The following EMB variants were observed in gnomAD, a reference collection of about 807,000 sequenced individuals.
EMB encodes the protein embigin.
In EMB, 31 loss-of-function variants were observed where a neutral mutation model predicts 41.4. The observed-to-expected ratio is 0.75, with a 90% confidence interval of 0.56 to 1.01. The LOEUF is 1.01. Among genes scored for constraint, EMB ranks in the 50% least tolerant of loss-of-function variants. The probability of loss-of-function intolerance (pLI) is 0.00; values close to 1 mark genes in which losing one functional copy is unlikely to be tolerated. For synonymous variants in EMB, 137 were observed against 140.4 expected, an observed-to-expected ratio of 0.98 and a Z score of 0.17; for missense variants, 379 against 388.3, an observed-to-expected ratio of 0.98 and a Z score of 0.20.
intron 5 of EMB, among the ~76,000 whole-genome samples, chr5:50,404,941 C>A (rs1745223998): frequency 6.6e-6 from 1 of 151,882 alleles, no homozygotes; most frequent in Non-Finnish European, 1.5e-5. Context: ...TTCATTGTAA[C>A]ATCTACACTG....
intron 2 of EMB, among the ~76,000 whole-genome samples, chr5:50,412,779 T>G (rs1445155763): frequency 6.6e-6 from 1 of 151,984 alleles, no homozygotes; most frequent in Non-Finnish European, 1.5e-5. Flanking sequence ...TCCCTGACAG[T>G]TTGGCAAGGA....
Position 50,405,771 on chromosome 5 carries a change from C to T in EMB, c.554G>A (p.Cys185Tyr), listed in dbSNP as rs1369441231. Residue 185 changes from cysteine to tyrosine, a missense_variant, in exon 5 of 9, where the codon TGT becomes TAT. Coordinates refer to ENST00000303221, the MANE Select transcript of EMB (RefSeq NM_198449.3). ...GTACCAGGTCCAATTTAAAGGAAAA[C>T]AATTTTGACATTTACATGTCAAGAC... is the stretch of plus-strand genomic sequence containing the variant. Reference protein sequence around the residue: ...STVLTCKCQNCFPLNWTWYSS... With the variant: ...STVLTCKCQNYFPLNWTWYSS... 5 of 1,606,706 alleles carry T rather than the reference C, an allele frequency of 3.1e-6. No homozygotes were observed. Among genetic ancestry groups the T allele is most frequent in the Non-Finnish European group, 4.2e-6 (5 of 1,176,538 alleles).
intron 2 of EMB, among the ~76,000 whole-genome samples, chr5:50,424,486 GT>G (rs1745579123): frequency 6.6e-6 from 1 of 152,130 alleles, no homozygotes; most frequent in Non-Finnish European, 1.5e-5. Flanking sequence ...GAAGAGACAG[GT>G]CCCACTTACA....
chr5:50,434,490 T>G (rs1241079248), intron 1 of EMB, among the ~76,000 whole-genome samples: 2 of 152,190 alleles, frequency 1.3e-5, no homozygotes, highest in Non-Finnish European at 2.9e-5. Context: ...AAAAACCACA[T>G]GCTGGAGGGA....
intron 2 of EMB, among the ~76,000 whole-genome samples, chr5:50,414,967 C>G (rs1745405063): frequency 6.6e-6 from 1 of 152,116 alleles, no homozygotes; most frequent in African/African-American, 2.4e-5. Context: ...AACTCTAATG[C>G]TCTTTACTTG....
intron 2 of EMB, chr5:50,411,764 A>G (rs1745342332): frequency 6.5e-6 from 1 of 154,272 alleles, no homozygotes; most frequent in South Asian, 2.1e-4. Flanking sequence ...GCCTGTTTCA[A>G]TAATTTTGAG....
intron 2 of EMB, among the ~76,000 whole-genome samples, chr5:50,426,898 G>GA (rs60515065): frequency 0.044 from 4,639 of 105,568 alleles, 210 homozygotes; most frequent in African/African-American, 0.12. Flanking sequence ...CAGTAAAAAA[G>GA]AAAAAAAAAA....
intron 2 of EMB, among the ~76,000 whole-genome samples, chr5:50,412,427 A>G (rs1745355990): frequency 6.6e-6 from 1 of 152,128 alleles, no homozygotes; most frequent in Non-Finnish European, 1.5e-5. Flanking sequence ...TCCCCTCCCT[A>G]GGAGCAATAG....
At chr5:50,410,254 C>T (rs1046558667) in intron 4 of EMB, among the ~76,000 whole-genome samples, 2 of 152,132 alleles carry the variant, frequency 1.3e-5, no homozygotes, top group Non-Finnish European at 2.9e-5. Context: ...TGATAATTAT[C>T]TAACTCAAAT....
intron 1 of EMB, among the ~76,000 whole-genome samples, chr5:50,440,044 G>A (rs767746267): frequency 2.6e-5 from 4 of 152,214 alleles, no homozygotes; most frequent in South Asian, 2.1e-4. Flanking sequence ...TGTTTTGCAC[G>A]TAATCCCTCT....
chr5:50,438,607 C>T (rs1745844447), intron 1 of EMB, among the ~76,000 whole-genome samples: 1 of 152,178 alleles, frequency 6.6e-6, no homozygotes, highest in Admixed American at 6.5e-5. Flanking sequence ...TAGGCCTATA[C>T]ATCTAGGTCA....
At chr5:50,418,282 T>C (rs1165288630) in intron 2 of EMB, among the ~76,000 whole-genome samples, 1 of 152,234 alleles carries the variant, frequency 6.6e-6, no homozygotes, top group East Asian at 1.9e-4. Flanking sequence ...ATGAAGTTAA[T>C]CCAACACTAT....
Position 50,411,310 on chromosome 5 carries a change from G to A in EMB, c.270C>T (p.Phe90=), listed in dbSNP as rs1448260035. 5 of 1,612,674 alleles carry A rather than the reference G, an allele frequency of 3.1e-6. No individual in the cohort carries two copies. The highest frequency in any genetic ancestry group is 1.1e-5 in the South Asian group (1 of 90,878). Residue 90 remains phenylalanine, a synonymous_variant, in exon 3 of 9, where the codon TTC becomes TTT. Coordinates refer to ENST00000303221, the MANE Select transcript of EMB (RefSeq NM_198449.3). ...CTGCATTCAAATCCCCAGATGTTGTGAACTGGCATGTGAGATTTACATTAG... is the reference window on the plus strand; with the variant it reads ...CTGCATTCAAATCCCCAGATGTTGTAAACTGGCATGTGAGATTTACATTAG... ...RPSNVNLTCQ[F]TTSGDLNAVN...
intron 4 of EMB, among the ~76,000 whole-genome samples, chr5:50,407,806 A>C (rs369757385): frequency 4.6e-5 from 7 of 151,936 alleles, no homozygotes; most frequent in African/African-American, 1.7e-4. Flanking sequence ...GGTTGGAATA[A>C]ACCAGGTTTG....
upstream of EMB, chr5:50,441,429 G>A (rs115322616): frequency 0.012 from 3,224 of 266,894 alleles, 113 homozygotes; most frequent in African/African-American, 0.067. Flanking sequence ...CCCGGCTGCA[G>A]CCTCTCCGGC....
chr5:50,415,151 A>C (rs185040458), intron 2 of EMB, among the ~76,000 whole-genome samples: 1 of 152,240 alleles, frequency 6.6e-6, no homozygotes, highest in Non-Finnish European at 1.5e-5. Flanking sequence ...TATTTAGTTG[A>C]TTCTACCGCT....
intron 1 of EMB, among the ~76,000 whole-genome samples, chr5:50,434,335 T>C (rs1202508487): frequency 6.6e-6 from 1 of 152,240 alleles, no homozygotes; most frequent in African/African-American, 2.4e-5. Context: ...TCATTCTTAA[T>C]AATCTTCCAA....
chr5:50,441,303 G>GCCCGGCCGCCTTGCC (rs1745908659), upstream of EMB: 6 of 417,300 alleles, frequency 1.4e-5, no homozygotes, highest in South Asian at 5.3e-4. Context: ...AATGGGAGGG[G>GCCCGGCCGCCTTGCC]CCCGGCCGCC....
intron 2 of EMB, among the ~76,000 whole-genome samples, chr5:50,423,437 T>C (rs1745558511): frequency 6.6e-6 from 1 of 152,208 alleles, no homozygotes; most frequent in East Asian, 1.9e-4. Flanking sequence ...CTTTGTCTTT[T>C]TAAAAAACAG....
Sources: allele counts gnomAD v4.1 joint callset (sites outside exome capture counted in the v4.1 genomes callset), GRCh38; gene constraint gnomAD v4.1.1; transcripts MANE v1.5; gene names NCBI Gene and HGNC (gene_info 2026-07-23, HGNC 2026-07-21).